Variants in RFX7 observed in about 807,000 individuals in gnomAD.
RFX7 encodes DNA-binding protein RFX7.
RFX7 carries 26 observed loss-of-function variants against 111.8 expected under a neutral mutation model. The ratio of observed to expected loss-of-function variants is 0.23; its 90% CI spans 0.17 to 0.32. The LOEUF is 0.32. Ranked by LOEUF, RFX7 falls within the 10% of genes least tolerant of loss-of-function variation. The probability of loss-of-function intolerance (pLI) is 1.00; values close to 1 mark genes in which losing one functional copy is unlikely to be tolerated. For missense variants in RFX7, 1,573 were observed against 1,772.9 expected (o/e 0.89, Z 2.02); for synonymous variants, 624 against 624.4 (o/e 1.00, Z 0.01).
chr15:56,227,170 T>C (rs956213836), intron 2 of RFX7, among the ~76,000 whole-genome samples: 1 of 152,234 alleles, frequency 6.6e-6, no homozygotes, highest in East Asian at 1.9e-4. Context: ...TATAGTATTT[T>C]GCAAAGGTTC....
At chr15:56,217,733 T>A (rs1407240143) in intron 2 of RFX7, among the ~76,000 whole-genome samples, 1 of 152,222 alleles carries the variant, frequency 6.6e-6, no homozygotes, top group Non-Finnish European at 1.5e-5. Flanking sequence ...TAATTATAGC[T>A]TTAATTGTAC....
At chr15:56,186,940 T>C (rs1421896695) in intron 2 of RFX7, among the ~76,000 whole-genome samples, 1 of 152,226 alleles carries the variant, frequency 6.6e-6, no homozygotes, top group East Asian at 1.9e-4. Context: ...AAATTTTTAA[T>C]GTAATGTATT....
At chr15:56,157,836 C>A (rs1421244094) in intron 3 of RFX7, among the ~76,000 whole-genome samples, 1 of 152,222 alleles carries the variant, frequency 6.6e-6, no homozygotes, top group East Asian at 1.9e-4. Flanking sequence ...GCCTCGGCCT[C>A]CCAAATTTCT....
Position 56,103,656 on chromosome 15 carries a change from T to A in RFX7, c.416A>T (p.Asn139Ile). The A allele has an allele frequency of 6.3e-7, 1 of 1,593,124 alleles. No homozygotes were observed. The highest frequency in any genetic ancestry group is 8.6e-7 in the Non-Finnish European group (1 of 1,168,354). ...VYDEYKSYCD[N>I]LGYHPLSAAD... is the part of the protein sequence containing the mutation. ...AGCACTTAATGGATGGTAACCAAGA[T>A]TGTCACAATAGCTCCTGCAAAAGAA... Residue 139 changes from asparagine (N) to isoleucine (I), a missense_variant, in exon 6 of 10, where the codon AAT becomes ATT. Physicochemically the swap from Asn to Ile is moderately radical, Grantham distance 149. Coordinates refer to ENST00000559447, the MANE Select transcript of RFX7 (RefSeq NM_022841.7).
At position 56,217,563 on chromosome 15, in the gene RFX7, T is replaced by C. The variant is rs779811804; in HGVS notation, c.161+25562A>G. 4.1e-4 allele frequency among the ~76,000 whole-genome samples: 62 copies of C among 152,162 alleles called. 2 individuals carry two copies. Among genetic ancestry groups the C allele is most frequent in the Admixed American group, 3.9e-3 (59 of 15,282 alleles). ...GTACTATTATAAAACACACACTTTA[T>C]AGACTTTATATAGACTTTATAGACT... On this transcript the variant is annotated intron_variant, in intron 2 of 9. Coordinates refer to ENST00000559447, the MANE Select transcript of RFX7 (RefSeq NM_022841.7).
chr15:56,212,495 A>C (rs2043323120), intron 2 of RFX7, among the ~76,000 whole-genome samples: 1 of 152,122 alleles, frequency 6.6e-6, no homozygotes, highest in Admixed American at 6.6e-5. Context: ...GCTTAATGTA[A>C]ATTATGGACT....
chr15:56,223,366 T>C (rs2043446504), intron 2 of RFX7, among the ~76,000 whole-genome samples: 1 of 152,196 alleles, frequency 6.6e-6, no homozygotes, highest in South Asian at 2.1e-4. Flanking sequence ...ACTAAACCTC[T>C]AGTCTCTATT....
intron 3 of RFX7, among the ~76,000 whole-genome samples, chr15:56,149,246 T>C (rs1410949181): frequency 1.3e-5 from 2 of 152,196 alleles, no homozygotes; most frequent in Non-Finnish European, 2.9e-5. Flanking sequence ...TGATTTCTGC[T>C]GCATATGATG....
At chr15:56,103,718 T>C in intron 5 of RFX7, 48 bp from the exon 6 acceptor site, 2 of 1,100,364 alleles carry the variant, frequency 1.8e-6, no homozygotes, top group East Asian at 2.6e-5. Context: ...TTCAGAATTA[T>C]ATCGCAGGGT....
rs2041662003 is a variant in RFX7 at position 56,095,516 on chromosome 15, C to T, written c.2212G>A (p.Val738Ile). The change falls in exon 10 of 10, where the codon GTT becomes ATT. Residue 738 changes from valine to isoleucine, a missense_variant. Physicochemically the swap from Val to Ile is conservative, Grantham distance 29. Around this residue, in one of 7 missense-constraint regions of RFX7, gnomAD observed 625 missense variants for 632.2 expected, o/e 0.99. Transcript: ENST00000559447. ...TGTTCCAAAGCTGAATCACTGATAA[C>T]AAGGGCAGAGGAATTCAAGGGTTGA... ...ANQPLNSSAL[V>I]ISDSALEQQT... 6.2e-7 allele frequency: 1 copy of T among 1,613,210 alleles called. No individual in the cohort carries two copies. The highest frequency in any genetic ancestry group is 1.1e-5 in the South Asian group (1 of 91,088).
chr15:56,109,022 TCCCTC>T (rs2041869272), intron 5 of RFX7, among the ~76,000 whole-genome samples: 2 of 66,874 alleles, frequency 3.0e-5, no homozygotes, highest in South Asian at 9.0e-4. Flanking sequence ...ACAAACCTTC[TCCCTC>T]TCCCTCTCCC....
At chr15:56,149,895 G>A (rs1299968883) in intron 3 of RFX7, among the ~76,000 whole-genome samples, 1 of 152,056 alleles carries the variant, frequency 6.6e-6, no homozygotes, top group Non-Finnish European at 1.5e-5. Flanking sequence ...GCTGAAGCCA[G>A]GGAGTCAAGT....
chr15:56,192,028 CT>C (rs2043105354), intron 2 of RFX7, among the ~76,000 whole-genome samples: 1 of 152,154 alleles, frequency 6.6e-6, no homozygotes. Flanking sequence ...GAGCAAGTAT[CT>C]TCCCCTTATG....
At chr15:56,165,696 G>T (rs2042773971) in intron 3 of RFX7, among the ~76,000 whole-genome samples, 2 of 151,990 alleles carry the variant, frequency 1.3e-5, no homozygotes, top group South Asian at 4.1e-4. Context: ...GCTTTACTAG[G>T]GTATGCTAAG....
intron 2 of RFX7, among the ~76,000 whole-genome samples, chr15:56,222,605 T>C (rs912988176): frequency 3.9e-5 from 6 of 152,176 alleles, no homozygotes; most frequent in Non-Finnish European, 4.4e-5. Context: ...ATTTAGCATA[T>C]TCAGTGAATT....
At chr15:56,134,677 C>T (rs1186735398) in intron 5 of RFX7, among the ~76,000 whole-genome samples, 1 of 138,038 alleles carries the variant, frequency 7.2e-6, no homozygotes, top group African/African-American at 2.8e-5. Context: ...GTGCAGGTTA[C>T]TTACATATGT....
intron 3 of RFX7, among the ~76,000 whole-genome samples, chr15:56,162,465 ATTTC>A (rs1227429217): frequency 2.0e-5 from 3 of 152,084 alleles, no homozygotes; most frequent in African/African-American, 7.2e-5. Context: ...TGAAAATTGC[ATTTC>A]TTTCTGGTAA....
chr15:56,224,233 A>C (rs1160828098), intron 2 of RFX7, among the ~76,000 whole-genome samples: 1 of 152,162 alleles, frequency 6.6e-6, no homozygotes, highest in East Asian at 1.9e-4. Context: ...GAGGATAGAG[A>C]AGATAAGCTG....
At chr15:56,237,495 T>A (rs1449431208) in intron 2 of RFX7, among the ~76,000 whole-genome samples, 1 of 152,216 alleles carries the variant, frequency 6.6e-6, no homozygotes, top group South Asian at 2.1e-4. Context: ...GCAATATTAT[T>A]TTCTAATGGA....
Sources: gnomAD v4.1 joint callset for allele counts (sites outside exome capture counted in the v4.1 genomes callset) on GRCh38, gnomAD v4.1.1 for gene constraint, gnomAD v4.1.1 regional missense constraint, MANE v1.5 for transcripts, NCBI Gene and HGNC (gene_info 2026-07-23, HGNC 2026-07-21) for gene names.